The following KHDRBS2 variants were observed in gnomAD, a reference collection of about 807,000 sequenced individuals.
KHDRBS2 encodes KH RNA binding domain containing, signal transduction associated 2, also known as KH domain-containing, RNA-binding, signal transduction-associated protein 2.
KHDRBS2 carries 26 observed loss-of-function variants against 44.3 expected under a neutral mutation model. The ratio of observed to expected loss-of-function variants is 0.59; its 90% CI spans 0.43 to 0.81. The LOEUF (loss-of-function observed/expected upper bound fraction) is 0.81. Among genes scored for constraint, KHDRBS2 ranks in the 40% least tolerant of loss-of-function variants. The probability of loss-of-function intolerance (pLI) is 0.00; values close to 1 mark genes in which losing one functional copy is unlikely to be tolerated. For synonymous variants in KHDRBS2, 194 were observed against 151.1 expected (o/e 1.28, Z -2.08); for missense variants, 476 against 433.1 (o/e 1.10, Z -0.88).
chr6:61,615,803 A>G, the KHDRBS2 span, among the ~76,000 whole-genome samples: 1 of 152,176 alleles, frequency 6.6e-6, no homozygotes, highest in Non-Finnish European at 1.5e-5. Flanking sequence ...GACATCCAAA[A>G]CACTTCTAGG....
chr6:61,554,928 G>T, the KHDRBS2 span, among the ~76,000 whole-genome samples: 1 of 152,076 alleles, frequency 6.6e-6, no homozygotes, highest in East Asian at 1.9e-4. Context: ...CTTCTCTCTA[G>T]CTGCTTTTAA....
At chr6:61,981,035 A>C (rs1475027272) in intron 3 of KHDRBS2, among the ~76,000 whole-genome samples, 3 of 152,038 alleles carry the variant, frequency 2.0e-5, no homozygotes, top group Non-Finnish European at 4.4e-5. Context: ...TTTCCCCCAA[A>C]ACATGCTGAA....
chr6:62,222,210 AAG>A (rs763335548), intron 1 of KHDRBS2, among the ~76,000 whole-genome samples: 2 of 152,058 alleles, frequency 1.3e-5, no homozygotes, highest in Non-Finnish European at 2.9e-5. Flanking sequence ...GAGATGGAAA[AAG>A]AGAGTGAGGG....
the KHDRBS2 span, among the ~76,000 whole-genome samples, chr6:61,661,813 C>T: frequency 4.0e-5 from 6 of 151,888 alleles, no homozygotes; most frequent in African/African-American, 1.5e-4. Context: ...GTGAAAATGG[C>T]CATACTGCCT....
chr6:61,649,763 C>A, the KHDRBS2 span, among the ~76,000 whole-genome samples: 1 of 152,172 alleles, frequency 6.6e-6, no homozygotes, highest in Non-Finnish European at 1.5e-5. Context: ...TTATTGATAG[C>A]TACATAACCA....
At chr6:61,763,684 TAAA>T (rs1263176279) in intron 6 of KHDRBS2, among the ~76,000 whole-genome samples, 5 of 152,202 alleles carry the variant, frequency 3.3e-5, no homozygotes, top group African/African-American at 1.2e-4. Flanking sequence ...TGCAAGTTTT[TAAA>T]ATTAGAGGTG....
the KHDRBS2 span, among the ~76,000 whole-genome samples, chr6:61,595,427 C>A: frequency 6.6e-6 from 1 of 152,096 alleles, no homozygotes; most frequent in Non-Finnish European, 1.5e-5. Flanking sequence ...CCCAACTTTT[C>A]AAAGTAGAAA....
At chr6:61,962,776 G>T (rs1293787664) in intron 4 of KHDRBS2, among the ~76,000 whole-genome samples, 1 of 152,014 alleles carries the variant, frequency 6.6e-6, no homozygotes. Context: ...ACTCCTAGGG[G>T]TGACAATAAA....
the KHDRBS2 span, among the ~76,000 whole-genome samples, chr6:61,567,228 A>G: frequency 1.3e-5 from 2 of 152,210 alleles, no homozygotes; most frequent in African/African-American, 4.8e-5. Context: ...AAGGGGGAAA[A>G]AAAAGAATTT....
chr6:61,639,102 G>A, the KHDRBS2 span, among the ~76,000 whole-genome samples: 3 of 152,172 alleles, frequency 2.0e-5, no homozygotes, highest in Admixed American at 6.5e-5. Context: ...TACATAAACA[G>A]TTTTTTAAGT....
chr6:61,890,229 A>C (rs1235528812), intron 6 of KHDRBS2, among the ~76,000 whole-genome samples: 3 of 151,518 alleles, frequency 2.0e-5, no homozygotes, highest in African/African-American at 7.4e-5. Context: ...TGATTGAATA[A>C]ATAAAAGCAA....
chr6:62,069,020 A>G (rs895624407), intron 2 of KHDRBS2, among the ~76,000 whole-genome samples: 1 of 151,570 alleles, frequency 6.6e-6, no homozygotes, highest in African/African-American at 2.4e-5. Flanking sequence ...AAATTTCTGG[A>G]AAAAAGATAC....
At chr6:62,275,512 C>T (rs577624240) in intron 1 of KHDRBS2, among the ~76,000 whole-genome samples, 44 of 152,254 alleles carry the variant, frequency 2.9e-4, no homozygotes, top group African/African-American at 9.9e-4. Flanking sequence ...ATTATTTAGT[C>T]ATTCATCTAC....
chr6:61,959,959 AAAAT>A (rs1186893598), intron 4 of KHDRBS2, among the ~76,000 whole-genome samples: 2 of 152,188 alleles, frequency 1.3e-5, no homozygotes, highest in African/African-American at 4.8e-5. Context: ...TTCATTTAGA[AAAAT>A]AAATAATTAA....
intron 2 of KHDRBS2, among the ~76,000 whole-genome samples, chr6:62,133,282 T>A (rs1453138717): frequency 1.3e-5 from 2 of 152,102 alleles, no homozygotes; most frequent in African/African-American, 4.8e-5. Context: ...GATAACTGAA[T>A]CATGGGGGCA....
At chr6:61,733,602 A>G (rs1328001487) in intron 6 of KHDRBS2, among the ~76,000 whole-genome samples, 2 of 143,396 alleles carry the variant, frequency 1.4e-5, no homozygotes, top group African/African-American at 5.2e-5. Context: ...ATCTCAAAAA[A>G]GAAAAAAAAA....
the KHDRBS2 span, among the ~76,000 whole-genome samples, chr6:61,553,195 G>C: frequency 1.3e-5 from 2 of 151,994 alleles, no homozygotes; most frequent in African/African-American, 2.4e-5. Context: ...CTTATGATTT[G>C]TTCAGGGATT....
At chr6:62,145,200 T>C (rs1430199553) in intron 2 of KHDRBS2, among the ~76,000 whole-genome samples, 1 of 151,874 alleles carries the variant, frequency 6.6e-6, no homozygotes, top group African/African-American at 2.4e-5. Flanking sequence ...ATTTTTATGT[T>C]TTCAGTTCTC....
At chr6:62,209,458 T>G (rs1043768957) in intron 1 of KHDRBS2, among the ~76,000 whole-genome samples, 4 of 152,220 alleles carry the variant, frequency 2.6e-5, no homozygotes, top group African/African-American at 9.6e-5. Context: ...TAGATGTGTT[T>G]GCGTGTATAC....
Sources: gnomAD v4.1 joint callset for allele counts (sites outside exome capture counted in the v4.1 genomes callset) on GRCh38, gnomAD v4.1.1 for gene constraint, MANE v1.5 for transcripts, NCBI Gene and HGNC (gene_info 2026-07-23, HGNC 2026-07-21) for gene names.